UBR3: variants seen among roughly 807,000 people sequenced by gnomAD.
UBR3 encodes the protein E3 ubiquitin-protein ligase UBR3.
UBR3 carries 85 observed loss-of-function variants against 243.2 expected under a neutral mutation model. The observed-to-expected ratio is 0.35, with a 90% CI of 0.29 to 0.42. The LOEUF is 0.42. UBR3 is among the 10% of genes least tolerant of loss of function. The pLI is 1.00. For missense variants in UBR3, 1,686 were observed against 2,300.8 expected (o/e 0.73, Z 5.47); for synonymous variants, 748 against 799.8 (o/e 0.94, Z 1.09).
At chr2:169,915,080 T>C (rs923357615) in intron 11 of UBR3, among the ~76,000 whole-genome samples, 10 of 152,180 alleles carry the variant, frequency 6.6e-5, no homozygotes, top group Non-Finnish European at 1.3e-4. Context: ...ATTAATATAT[T>C]ATTAACATTT....
Position 169,938,472 on chromosome 2 carries a change from A to G in UBR3, c.2664-4021A>G, listed in dbSNP as rs2086435466. Among the ~76,000 whole-genome samples, 3 of 152,170 alleles carry G rather than the reference A, an allele frequency of 2.0e-5. No homozygotes were observed. In the South Asian group the frequency reaches 6.2e-4, roughly 32 times the overall value. On this transcript the variant is annotated intron_variant, in intron 19 of 38. Transcript: ENST00000272793. ...GATGGGGTCTCTACATGTGTTGCCC[A>G]GGCTGGTTTGATCTCTGCAGCTTAA...
intron 24 of UBR3, among the ~76,000 whole-genome samples, chr2:169,970,261 G>A (rs1249022390): frequency 2.0e-5 from 2 of 101,732 alleles, no homozygotes; most frequent in African/African-American, 7.9e-5. Context: ...TTTTGTAGCT[G>A]TTGTGAGTTT....
intron 30 of UBR3, among the ~76,000 whole-genome samples, chr2:170,022,243 A>C (rs2090411256): frequency 6.7e-6 from 1 of 150,050 alleles, no homozygotes; most frequent in African/African-American, 2.5e-5. Context: ...GCTAATAATA[A>C]TACTTGTGGA....
At chr2:169,862,181 C>T (rs1014846740) in intron 1 of UBR3, among the ~76,000 whole-genome samples, 1 of 151,766 alleles carries the variant, frequency 6.6e-6, no homozygotes, top group Non-Finnish European at 1.5e-5. Flanking sequence ...ATGTGCATGC[C>T]GTAATTTAAT....
At chr2:169,832,667 G>C (rs2081976546) in intron 1 of UBR3, among the ~76,000 whole-genome samples, 1 of 151,990 alleles carries the variant, frequency 6.6e-6, no homozygotes, top group South Asian at 2.1e-4. Flanking sequence ...GGGCGTGGTG[G>C]CTCACACCTG....
chr2:170,015,232 A>T, intron 29 of UBR3, 49 bp from the exon 30 acceptor site: 1 of 1,468,304 alleles, frequency 6.8e-7, no homozygotes, highest in Non-Finnish European at 9.4e-7. Context: ...AAAGCAGATT[A>T]ATAAAGAATC....
At chr2:169,840,869 A>C (rs2082267034) in intron 1 of UBR3, among the ~76,000 whole-genome samples, 1 of 152,136 alleles carries the variant, frequency 6.6e-6, no homozygotes, top group South Asian at 2.1e-4. Flanking sequence ...CTTGAACTAC[A>C]GGTGGGGTGC....
At chr2:169,932,795 A>C in intron 18 of UBR3, 117 bp from the exon 19 acceptor site, 2 of 856,452 alleles carry the variant, frequency 2.3e-6, no homozygotes, top group East Asian at 3.0e-5. Flanking sequence ...AAATACTATA[A>C]TCAGATTAAA....
At chr2:169,875,455 A>T (rs2083572378) in intron 2 of UBR3, among the ~76,000 whole-genome samples, 1 of 152,166 alleles carries the variant, frequency 6.6e-6, no homozygotes, top group Admixed American at 6.5e-5. Flanking sequence ...CAGACTCCTG[A>T]GTAGCTGGGA....
chr2:169,982,559 T>C (rs762246907), intron 24 of UBR3, among the ~76,000 whole-genome samples: 4 of 152,094 alleles, frequency 2.6e-5, no homozygotes, highest in Admixed American at 6.5e-5. Flanking sequence ...ACTCTGATGA[T>C]GTTAAATTAA....
chr2:169,908,865 C>A lies in UBR3; in HGVS notation c.1779+2701C>A, dbSNP rs188519036. On this transcript the variant is annotated intron_variant, in intron 10 of 38. Transcript: ENST00000272793. ...TTGAGACGTAGTCTTGCTCTGTCACCCAGGCTGGAATGCAGTGGCACAATC... is the reference window on the plus strand; with the variant it reads ...TTGAGACGTAGTCTTGCTCTGTCACACAGGCTGGAATGCAGTGGCACAATC... Among the ~76,000 whole-genome samples, 35 of 148,784 alleles carry A rather than the reference C, an allele frequency of 2.4e-4. No individual in the cohort carries two copies. In the East Asian group the frequency reaches 5.8e-3, roughly 24 times the overall value.
At chr2:169,963,614 A>AT (rs1251656557) in intron 24 of UBR3, among the ~76,000 whole-genome samples, 1 of 152,128 alleles carries the variant, frequency 6.6e-6, no homozygotes, top group Non-Finnish European at 1.5e-5. Flanking sequence ...TATAAAGTTA[A>AT]TTTTTTATAA....
rs377515383 is a variant in UBR3 at position 169,997,777 on chromosome 2, C to A, written c.3918+3321C>A. Among the ~76,000 whole-genome samples, 7 of 152,154 alleles carry A rather than the reference C, an allele frequency of 4.6e-5. No individual in the cohort carries two copies. In the East Asian group the frequency reaches 9.7e-4, roughly 21 times the overall value. ...GGTAGCCTTCTGTGTGAGAGGGGGCCTGAAAATGGGTAGCTGCCTTGTGAC... is the reference window on the plus strand; with the variant it reads ...GGTAGCCTTCTGTGTGAGAGGGGGCATGAAAATGGGTAGCTGCCTTGTGAC... On this transcript the variant is annotated intron_variant, in intron 26 of 38. Transcript: ENST00000272793.
At chr2:169,832,532 A>G (rs2081972037) in intron 1 of UBR3, among the ~76,000 whole-genome samples, 1 of 151,686 alleles carries the variant, frequency 6.6e-6, no homozygotes, top group Admixed American at 6.6e-5. Context: ...CCGCCACTGC[A>G]CTCCAGCCTG....
chr2:170,071,804 T>C (rs569830617), intron 35 of UBR3, among the ~76,000 whole-genome samples: 1 of 152,324 alleles, frequency 6.6e-6, no homozygotes, highest in Admixed American at 6.5e-5. Context: ...CAGACATTTG[T>C]TGAACGTCTG....
rs1383183280 is a variant in UBR3, at chr2:169,950,041, A to G, written c.3521A>G (p.Lys1174Arg). The G allele has an allele frequency of 1.3e-6, 2 of 1,567,112 alleles. No individual in the cohort carries two copies. The highest frequency in any genetic ancestry group is 2.1e-5 in the Admixed American group (1 of 48,158). Residue 1174 changes from lysine to arginine, a missense_variant, in exon 23 of 39, where the codon AAG becomes AGG. Around this residue, in one of 8 missense-constraint regions of UBR3, gnomAD observed 300 missense variants for 314.4 expected, o/e 0.95. Transcript: ENST00000272793. ...CCTAAAAAAGTCACTGCAGCAGAGA[A>G]GAAAACATTGGACAAAGAAGAAAGG... ...VPPKKVTAAE[K>R]KTLDKEERRQ...
At chr2:170,063,305 T>C (rs1204448191) in intron 35 of UBR3, among the ~76,000 whole-genome samples, 1 of 152,190 alleles carries the variant, frequency 6.6e-6, no homozygotes, top group East Asian at 1.9e-4. Context: ...ACAGGGCAGA[T>C]GCACAGGGGA....
intron 14 of UBR3, 76 bp from the exon 15 acceptor site, chr2:169,926,609 CAAAAAAA>C (rs1344570845): frequency 1.1e-6 from 1 of 898,458 alleles, no homozygotes; most frequent in East Asian, 3.0e-5. Flanking sequence ...AAACAAAAAA[CAAAAAAA>C]AGTATAGAAA....
chr2:169,902,538 TA>T (rs1464281789), intron 8 of UBR3, among the ~76,000 whole-genome samples: 5 of 113,558 alleles, frequency 4.4e-5, no homozygotes, highest in Non-Finnish European at 9.2e-5. Flanking sequence ...CCACCATCAC[TA>T]GTTTTATCTG....
Sources: gnomAD v4.1 joint callset for allele counts (sites outside exome capture counted in the v4.1 genomes callset) on GRCh38, gnomAD v4.1.1 for gene constraint, gnomAD v4.1.1 regional missense constraint, MANE v1.5 for transcripts, NCBI Gene and HGNC (gene_info 2026-07-23, HGNC 2026-07-21) for gene names.